Variants in MYLK4 observed in about 807,000 individuals in gnomAD.
MYLK4 encodes the protein myosin light chain kinase family member 4.
MYLK4 carries 46 observed loss-of-function variants against 48.1 expected under a neutral mutation model. The observed-to-expected ratio is 0.96, with a 90% CI of 0.75 to 1.22. The LOEUF (loss-of-function observed/expected upper bound fraction) is 1.22, where lower values mean the gene tolerates loss of function less well. Ranked by LOEUF, MYLK4 falls within the 50% of genes most tolerant of loss-of-function variation. MYLK4 has a pLI of 0.00. For missense variants in MYLK4, 451 were observed against 486.1 expected, an observed-to-expected ratio of 0.93 and a Z score of 0.68; for synonymous variants, 170 against 180.8, an observed-to-expected ratio of 0.94 and a Z score of 0.48.
chr6:2,687,418 T>C (rs1055759107), intron 4 of MYLK4, among the ~76,000 whole-genome samples: 2 of 152,208 alleles, frequency 1.3e-5, no homozygotes, highest in African/African-American at 4.8e-5. Context: ...GAAGATCCCA[T>C]GGTGCCCAAA....
chr6:2,675,293 T>C (rs1330391515), intron 10 of MYLK4, among the ~76,000 whole-genome samples, 168 bp from the exon 11 acceptor site: 1 of 152,226 alleles, frequency 6.6e-6, no homozygotes, highest in Non-Finnish European at 1.5e-5. Flanking sequence ...ATGGCATAGG[T>C]GACTATCGAA....
rs530384260 is a variant in MYLK4, at chr6:2,705,732, A to G, written c.160-12873T>C. ...AACTTAGATTTAACATCACATTTAA[A>G]TTTTATATTACAAAGAAATTACGGG... On this transcript the variant is annotated intron_variant, in intron 2 of 12. Transcript: ENST00000274643. Among the ~76,000 whole-genome samples the G allele has an allele frequency of 3.0e-4, 45 of 152,350 alleles. 1 individual carries two copies. The highest frequency in any genetic ancestry group is 1.1e-3 in the African/African-American group (45 of 41,582).
chr6:2,701,349 C>T (rs561695905), intron 2 of MYLK4, among the ~76,000 whole-genome samples: 1 of 152,274 alleles, frequency 6.6e-6, no homozygotes, highest in South Asian at 2.1e-4. Context: ...AGCCCCACTG[C>T]CTCCCTGCAG....
Position 2,749,151 on chromosome 6 carries a change from T to A in MYLK4, c.144A>T (p.Arg48Ser). 6.2e-7 allele frequency: 1 copy of A among 1,613,740 alleles called. No homozygotes were observed. Among genetic ancestry groups the A allele is most frequent in the South Asian group, 1.1e-5 (1 of 91,066 alleles). The change falls in exon 2 of 13, where the codon AGA becomes AGT. Residue 48 changes from arginine to serine, a missense_variant. Transcript: ENST00000274643. ...LEKNSGDQDS[R>S]SGHNEAKEVW... The stretch of plus-strand genomic sequence containing the variant: ...ACATGATTACCTCATTATGTCCAGA[T>A]CTTGAATCCTGGTCCCCAGAATTTT...
At chr6:2,754,922 A>G (rs931761257), upstream of MYLK4, among the ~76,000 whole-genome samples, 1 of 152,220 alleles carries the variant, frequency 6.6e-6, no homozygotes, top group Admixed American at 6.5e-5. Context: ...AGATTTTGTA[A>G]TTAATAGAAA....
chr6:2,766,253 C>T, the MYLK4 span: 19 of 1,523,182 alleles, frequency 1.2e-5, no homozygotes, highest in South Asian at 9.9e-5. Flanking sequence ...CCCGCACCCC[C>T]GGGCGCTGGC....
chr6:2,748,481 G>A (rs551345950), intron 2 of MYLK4, among the ~76,000 whole-genome samples: 5 of 152,228 alleles, frequency 3.3e-5, no homozygotes, highest in Non-Finnish European at 7.3e-5. Context: ...TGCTGCTGCC[G>A]CTAACACATA....
At position 2,685,055 on chromosome 6, in the gene MYLK4, G is replaced by T. The variant is rs965520027; in HGVS notation, c.545+241C>A. ...TTAAGCTTGATTTTTGACAAACAGC[G>T]TAGATACAAAGCTAGATCTACTTGG... On this transcript the variant is annotated intron_variant, in intron 6 of 12. Coordinates refer to ENST00000274643, the MANE Select transcript of MYLK4 (RefSeq NM_001012418.5). This position sits in a 1 kb window ranked among gnomAD's most constrained non-coding sequence, Gnocchi z 4.5. Among the ~76,000 whole-genome samples, 1 of 152,172 alleles carries T rather than the reference G, an allele frequency of 6.6e-6. No individual in the cohort carries two copies. Among genetic ancestry groups the T allele is most frequent in the Admixed American group, 6.5e-5 (1 of 15,278 alleles).
At chr6:2,765,859 G>C in the MYLK4 span, 3 of 1,440,676 alleles carry the variant, frequency 2.1e-6, no homozygotes, top group African/African-American at 4.4e-5. Context: ...AGAGCTCGGC[G>C]CTGAAGCAGC....
At chr6:2,711,645 C>T (rs915707567) in intron 2 of MYLK4, among the ~76,000 whole-genome samples, 12 of 152,168 alleles carry the variant, frequency 7.9e-5, no homozygotes, top group South Asian at 2.1e-4. Flanking sequence ...GGACCACGAC[C>T]TCACAGCAAC....
intron 2 of MYLK4, among the ~76,000 whole-genome samples, chr6:2,717,814 C>T (rs1451123274): frequency 6.6e-6 from 1 of 152,210 alleles, no homozygotes; most frequent in Non-Finnish European, 1.5e-5. Flanking sequence ...ATGCTGTCTC[C>T]TCTGAGAAGT....
the MYLK4 span, chr6:2,766,150 G>A: frequency 1.5e-6 from 2 of 1,319,464 alleles, no homozygotes; most frequent in East Asian, 3.1e-5. Flanking sequence ...ATGGCGACGG[G>A]GACGCGGACG....
rs1434792795 is a variant in MYLK4 at position 2,667,666 on chromosome 6, G to GAA, written c.*257_*258dup. On this transcript the variant is annotated 3_prime_UTR_variant, in exon 13 of 13. Transcript: ENST00000274643. ...AAGTAAAAAATCTCAAGATGGCAGG[G>GAA]AAACATCTTCCCAACATCACCACCA... 3 of 152,598 alleles carry GAA rather than the reference G, an allele frequency of 2.0e-5. No individual in the cohort carries two copies. Among genetic ancestry groups the GAA allele is most frequent in the African/African-American group, 7.2e-5 (3 of 41,440 alleles). 9.5% of individuals were successfully genotyped at this position (152,598 alleles called of 1,614,324 possible).
chr6:2,685,566 C>A lies in MYLK4; in HGVS notation c.352G>T (p.Gly118Cys), dbSNP rs759016773. ...KTEILGGGRF[G>C]QVHKCEETAT... ...GTCTCCTCACACTTGTGAACCTGGCCGAAACGCCCTCTGCCAAAAAGAGGA... is the reference window on the plus strand; with the variant it reads ...GTCTCCTCACACTTGTGAACCTGGCAGAAACGCCCTCTGCCAAAAAGAGGA... Residue 118 changes from glycine (G) to cysteine (C), a missense_variant, in exon 5 of 13, where the codon GGC becomes TGC. Physicochemically the swap from Gly to Cys is radical, Grantham distance 159. Coordinates refer to ENST00000274643, the MANE Select transcript of MYLK4 (RefSeq NM_001012418.5). This position sits in a 1 kb window ranked among gnomAD's most constrained non-coding sequence, Gnocchi z 4.5. 1 of 1,614,108 alleles carries A rather than the reference C, an allele frequency of 6.2e-7. No homozygotes were observed. The highest frequency in any genetic ancestry group is 1.1e-5 in the South Asian group (1 of 91,078).
At chr6:2,769,946 G>A in the MYLK4 span, among the ~76,000 whole-genome samples, 1 of 152,194 alleles carries the variant, frequency 6.6e-6, no homozygotes, top group African/African-American at 2.4e-5. Flanking sequence ...TTAAAAGCAA[G>A]AGTTGTACTC....
the MYLK4 span, chr6:2,770,360 G>A: frequency 6.2e-7 from 1 of 1,614,090 alleles, no homozygotes; most frequent in African/African-American, 1.3e-5. Context: ...CAGCAGCTCA[G>A]AGTAAGTTGA....
chr6:2,769,782 A>G, the MYLK4 span, among the ~76,000 whole-genome samples: 1 of 152,364 alleles, frequency 6.6e-6, no homozygotes, highest in South Asian at 2.1e-4. Flanking sequence ...GCTGTTACAT[A>G]TAAGCTATGT....
At chr6:2,716,800 C>T (rs1762880909) in intron 2 of MYLK4, among the ~76,000 whole-genome samples, 1 of 152,108 alleles carries the variant, frequency 6.6e-6, no homozygotes, top group African/African-American at 2.4e-5. Flanking sequence ...GATAGTAGTT[C>T]CTATCTGACA....
rs1761199969 is a variant in MYLK4, at chr6:2,679,157, G to A, written c.887+123C>T. ...AGTCAACAAAACCTAGAAGGCAACT[G>A]AGGATGGGACAGTGTTATTTATTTT... On this transcript the variant is annotated intron_variant, in intron 9 of 12. Transcript: ENST00000274643. 8.6e-6 allele frequency: 10 copies of A among 1,159,700 alleles called. No individual in the cohort carries two copies. In the Admixed American group the frequency reaches 1.7e-4, roughly 20 times the overall value. 71.8% of individuals were successfully genotyped at this position (1,159,700 alleles called of 1,614,324 possible).
Sources: allele counts gnomAD v4.1 joint callset (sites outside exome capture counted in the v4.1 genomes callset), GRCh38; gene constraint gnomAD v4.1.1; non-coding constraint Gnocchi (gnomAD v3.1); transcripts MANE v1.5; gene names NCBI Gene and HGNC (gene_info 2026-07-23, HGNC 2026-07-21).